DTNA: variants seen among roughly 807,000 people sequenced by gnomAD.
The protein encoded by DTNA is dystrophin-related protein 3.
In DTNA, 43 loss-of-function variants were observed where a neutral mutation model predicts 100.7. The observed-to-expected ratio is 0.43, with a 90% CI of 0.33 to 0.55. The LOEUF (loss-of-function observed/expected upper bound fraction) is 0.55. Among genes scored for constraint, DTNA ranks in the 20% least tolerant of loss-of-function variants. The pLI is 0.04. For synonymous variants in DTNA, 349 were observed against 347.9 expected (o/e 1.00, Z -0.04); for missense variants, 798 against 953.9 (o/e 0.84, Z 2.15).
At chr18:34,748,457 T>C (rs1431165100) in intron 1 of DTNA, among the ~76,000 whole-genome samples, 1 of 152,210 alleles carries the variant, frequency 6.6e-6, no homozygotes, top group African/African-American at 2.4e-5. Context: ...AGATAAGTCT[T>C]TGAGCCATAT....
intron 1 of DTNA, among the ~76,000 whole-genome samples, chr18:34,634,990 C>T (rs575862190): frequency 6.6e-6 from 1 of 152,176 alleles, no homozygotes; most frequent in East Asian, 1.9e-4. Flanking sequence ...TGATTTATTC[C>T]TCCTAACTGA....
intron 1 of DTNA, among the ~76,000 whole-genome samples, chr18:34,524,887 A>G (rs991983389): frequency 2.6e-5 from 4 of 152,156 alleles, no homozygotes; most frequent in African/African-American, 4.8e-5. Flanking sequence ...AAAACCAAGC[A>G]CTTGAAAGCA....
intron 17 of DTNA, among the ~76,000 whole-genome samples, chr18:34,870,096 AT>A (rs1288281717): frequency 1.3e-5 from 2 of 152,226 alleles, no homozygotes; most frequent in Non-Finnish European, 2.9e-5. Context: ...ATAAGGATCC[AT>A]TTTTTTAAAC....
chr18:34,811,105 T>C (rs1189190257), intron 5 of DTNA, among the ~76,000 whole-genome samples: 3 of 152,238 alleles, frequency 2.0e-5, no homozygotes, highest in Non-Finnish European at 4.4e-5. Context: ...GGTGACAAGC[T>C]AGTTAGCATG....
intron 1 of DTNA, among the ~76,000 whole-genome samples, chr18:34,522,810 C>T (rs1399543633): frequency 1.3e-5 from 2 of 152,196 alleles, no homozygotes; most frequent in African/African-American, 4.8e-5. Flanking sequence ...GTAAGATGGA[C>T]CAGCTTGCCA....
chr18:34,659,247 A>G (rs1568143260), intron 1 of DTNA, among the ~76,000 whole-genome samples: 1 of 152,252 alleles, frequency 6.6e-6, no homozygotes, highest in Non-Finnish European at 1.5e-5. Context: ...GAAACAGGTG[A>G]AATTAATCTA....
chr18:34,584,027 T>C (rs1598744340), intron 1 of DTNA, among the ~76,000 whole-genome samples: 1 of 135,030 alleles, frequency 7.4e-6, no homozygotes, highest in East Asian at 1.9e-4. Flanking sequence ...AGTAACAAAC[T>C]CTACTTTCCC....
At chr18:34,860,501 C>T (rs1035189682) in intron 16 of DTNA, among the ~76,000 whole-genome samples, 2 of 152,096 alleles carry the variant, frequency 1.3e-5, no homozygotes, top group African/African-American at 4.8e-5. Flanking sequence ...TTTCTTCTTC[C>T]ATACAAAAAG....
intron 1 of DTNA, among the ~76,000 whole-genome samples, chr18:34,523,716 A>G (rs1417646684): frequency 6.6e-6 from 1 of 152,210 alleles, no homozygotes; most frequent in African/African-American, 2.4e-5. Context: ...TTGTGCAGGT[A>G]AAGTGACTAG....
At chr18:34,813,795 T>A (rs996972573) in intron 6 of DTNA, among the ~76,000 whole-genome samples, 1 of 149,508 alleles carries the variant, frequency 6.7e-6, no homozygotes, top group South Asian at 2.1e-4. Flanking sequence ...TGAGCCAAGA[T>A]TGTGCCACTG....
intron 1 of DTNA, among the ~76,000 whole-genome samples, chr18:34,595,407 A>G (rs1437094670): frequency 6.6e-6 from 1 of 152,222 alleles, no homozygotes; most frequent in Non-Finnish European, 1.5e-5. Flanking sequence ...AAAAGAACAC[A>G]AAATGTAAAA....
Position 34,610,812 on chromosome 18 carries a change from T to C in DTNA, c.-2+117298T>C, listed in dbSNP as rs566306951. ...TCTTAAATTGGAACAATAATAGAGC[T>C]ACTGCCTAGGATTGTTAAAAAGATT... On this transcript the variant is annotated intron_variant, in intron 1 of 19. Coordinates refer to the DTNA transcript ENST00000283365. 1.3e-3 allele frequency among the ~76,000 whole-genome samples: 191 copies of C among 152,366 alleles called. 1 individual carries two copies. The highest frequency in any genetic ancestry group is 0.01 in the Middle Eastern group (3 of 294).
intron 1 of DTNA, among the ~76,000 whole-genome samples, chr18:34,587,943 G>A (rs948302199): frequency 3.9e-5 from 6 of 152,140 alleles, no homozygotes; most frequent in African/African-American, 1.4e-4. Flanking sequence ...ACATTCAGCA[G>A]TCAGTCCAAG....
rs551102181 is a variant in DTNA, at chr18:34,618,168, G to A, written c.-2+124654G>A. On this transcript the variant is annotated intron_variant, in intron 1 of 19. Transcript: ENST00000283365. ...ATTAACTTTGTCCAAGAGTACAAGGGTCAAGAGTCGAACTCAATCCAGTTC... is the reference window on the plus strand; with the variant it reads ...ATTAACTTTGTCCAAGAGTACAAGGATCAAGAGTCGAACTCAATCCAGTTC... 4.6e-5 allele frequency among the ~76,000 whole-genome samples: 7 copies of A among 152,184 alleles called. No homozygotes were observed. In the South Asian group the frequency reaches 1.5e-3, roughly 32 times the overall value.
intron 13 of DTNA, among the ~76,000 whole-genome samples, chr18:34,840,117 A>T (rs1230760934): frequency 6.6e-6 from 1 of 152,206 alleles, no homozygotes; most frequent in African/African-American, 2.4e-5. Flanking sequence ...TTTAGTACAT[A>T]CATGTATCTT....
At chr18:34,725,294 A>T (rs2086361768) in intron 1 of DTNA, among the ~76,000 whole-genome samples, 1 of 152,078 alleles carries the variant, frequency 6.6e-6, no homozygotes, top group South Asian at 2.1e-4. Context: ...GAAACTATCA[A>T]CAGAGTGAAC....
chr18:34,860,364 G>A (rs756151632), intron 16 of DTNA, among the ~76,000 whole-genome samples: 3 of 150,000 alleles, frequency 2.0e-5, no homozygotes, highest in Non-Finnish European at 4.4e-5. Flanking sequence ...ACCGCGCCCA[G>A]CCCATTCTTT....
At chr18:34,697,595 C>T (rs2080761042) in intron 1 of DTNA, among the ~76,000 whole-genome samples, 1 of 152,096 alleles carries the variant, frequency 6.6e-6, no homozygotes, top group Non-Finnish European at 1.5e-5. Context: ...TTTAAAAGAA[C>T]CTCTTTGATG....
intron 1 of DTNA, among the ~76,000 whole-genome samples, chr18:34,567,648 G>A (rs2047199454): frequency 1.3e-5 from 2 of 151,998 alleles, no homozygotes; most frequent in African/African-American, 2.4e-5. Context: ...AACAGCTTTT[G>A]TCTTAGGGTT....
Sources: gnomAD v4.1 joint callset for allele counts (sites outside exome capture counted in the v4.1 genomes callset) on GRCh38, gnomAD v4.1.1 for gene constraint, MANE v1.5 for transcripts, NCBI Gene and HGNC (gene_info 2026-07-23, HGNC 2026-07-21) for gene names.